Variants in SPAG16 observed in about 807,000 individuals in gnomAD.
The protein encoded by SPAG16 is sperm-associated antigen 16 protein.
Under a neutral mutation model 80.4 loss-of-function variants are expected in SPAG16, and 86 were observed. That is an observed-to-expected ratio of 1.07 (90% CI 0.90 to 1.28). SPAG16 has a LOEUF of 1.28. SPAG16 is among the 50% of genes most tolerant of loss of function. SPAG16 has a pLI of 0.00. For missense variants in SPAG16, 870 were observed against 765.3 expected, an observed-to-expected ratio of 1.14 and a Z score of -1.61; for synonymous variants, 294 against 265.9, an observed-to-expected ratio of 1.11 and a Z score of -1.03.
chr2:213,429,210 A>G (rs569886569), intron 9 of SPAG16, among the ~76,000 whole-genome samples: 1 of 152,228 alleles, frequency 6.6e-6, no homozygotes, highest in East Asian at 1.9e-4. Context: ...GCTCTGTCTC[A>G]GGAATAATTG....
chr2:213,503,162 T>C (rs1189918255), intron 10 of SPAG16, among the ~76,000 whole-genome samples: 1 of 152,206 alleles, frequency 6.6e-6, no homozygotes, highest in Admixed American at 6.5e-5. Flanking sequence ...TCTAATATTG[T>C]TTCACCTCCC....
chr2:214,062,001 A>ACG (rs1447338305), intron 13 of SPAG16, among the ~76,000 whole-genome samples: 1 of 148,140 alleles, frequency 6.8e-6, no homozygotes, highest in Non-Finnish European at 1.5e-5. Flanking sequence ...ACACACACAC[A>ACG]CACACACACA....
intron 9 of SPAG16, among the ~76,000 whole-genome samples, chr2:213,426,808 A>G (rs1388852756): frequency 7.4e-6 from 1 of 134,522 alleles, no homozygotes; most frequent in Non-Finnish European, 1.6e-5. Flanking sequence ...TAAAAGGATG[A>G]ACTTTTTCAA....
At chr2:214,218,808 G>C (rs992706610) in intron 15 of SPAG16, among the ~76,000 whole-genome samples, 1 of 152,150 alleles carries the variant, frequency 6.6e-6, no homozygotes, top group African/African-American at 2.4e-5. Context: ...GGTAAATGTG[G>C]CAAGTCACTG....
At chr2:214,100,195 T>G (rs976105488) in intron 13 of SPAG16, among the ~76,000 whole-genome samples, 1 of 152,026 alleles carries the variant, frequency 6.6e-6, no homozygotes, top group Admixed American at 6.6e-5. Flanking sequence ...CTGCTTCCCC[T>G]TCTGCCATGA....
At chr2:213,290,169 G>T (rs912245969) in intron 1 of SPAG16, among the ~76,000 whole-genome samples, 11 of 152,208 alleles carry the variant, frequency 7.2e-5, no homozygotes, top group African/African-American at 2.7e-4. Flanking sequence ...TGCAGGCTCT[G>T]CTAGTGCAGA....
chr2:213,508,806 T>C (rs574806655), intron 10 of SPAG16, among the ~76,000 whole-genome samples: 4 of 152,076 alleles, frequency 2.6e-5, no homozygotes, highest in East Asian at 3.9e-4. Flanking sequence ...TTTGGAGATA[T>C]ACCTAATGTT....
intron 8 of SPAG16, among the ~76,000 whole-genome samples, chr2:213,367,152 G>T (rs2066346945): frequency 6.6e-6 from 1 of 152,166 alleles, no homozygotes; most frequent in South Asian, 2.1e-4. Context: ...ATTCCATGGT[G>T]TATATGTCCC....
intron 8 of SPAG16, among the ~76,000 whole-genome samples, chr2:213,372,849 T>G (rs1446563913): frequency 6.6e-6 from 1 of 152,154 alleles, no homozygotes; most frequent in Non-Finnish European, 1.5e-5. Context: ...CAATAAATAT[T>G]TGTTAAATTA....
rs147281414 is a variant in SPAG16 at position 213,362,382 on chromosome 2, A to C, written c.763-1694A>C. Among the ~76,000 whole-genome samples the C allele has an allele frequency of 4.9e-3, 742 of 152,332 alleles. 4 individuals carry two copies. The highest frequency in any genetic ancestry group is 0.016 in the African/African-American group (655 of 41,588). On this transcript the variant is annotated intron_variant, in intron 7 of 15. Coordinates refer to ENST00000331683, the MANE Select transcript of SPAG16 (RefSeq NM_024532.5). ...TATGTTGATAATCCTTCCCTCAAGT[A>C]GGTGGAGCTTAACAACTCAGCTGTT...
intron 10 of SPAG16, among the ~76,000 whole-genome samples, chr2:213,773,687 G>A (rs1487520063): frequency 2.0e-5 from 3 of 152,080 alleles, no homozygotes; most frequent in African/African-American, 7.2e-5. Context: ...CTGAGTAGCT[G>A]GGATTACAGG....
chr2:214,206,041 A>C (rs1273297219), intron 15 of SPAG16, among the ~76,000 whole-genome samples: 1 of 151,996 alleles, frequency 6.6e-6, no homozygotes, highest in Non-Finnish European at 1.5e-5. Flanking sequence ...AAAAATACAA[A>C]AAAAAATAGC....
intron 13 of SPAG16, among the ~76,000 whole-genome samples, chr2:214,054,376 A>C (rs572561710): frequency 2.0e-5 from 3 of 152,166 alleles, no homozygotes; most frequent in African/African-American, 7.2e-5. Context: ...AGTAACAATT[A>C]AAATCTCAGA....
chr2:214,297,048 C>G (rs574768063), intron 15 of SPAG16, among the ~76,000 whole-genome samples: 6 of 152,244 alleles, frequency 3.9e-5, no homozygotes, highest in African/African-American at 1.4e-4. Context: ...TCATGTATAC[C>G]CAGCAGAACC....
chr2:213,976,135 T>TACAC (rs1553685174), intron 12 of SPAG16, among the ~76,000 whole-genome samples: 2,683 of 81,358 alleles, frequency 0.033, 53 homozygotes, highest in Middle Eastern at 0.056. Context: ...TATATATATA[T>TACAC]ACACACACAC....
intron 15 of SPAG16, among the ~76,000 whole-genome samples, chr2:214,178,049 T>C (rs1168660114): frequency 7.0e-6 from 1 of 143,072 alleles, no homozygotes; most frequent in African/African-American, 2.5e-5. Context: ...CAAGTAGATA[T>C]ATTTGTGTTT....
intron 10 of SPAG16, among the ~76,000 whole-genome samples, chr2:213,505,430 G>A (rs950909885): frequency 6.6e-6 from 1 of 151,538 alleles, no homozygotes; most frequent in Non-Finnish European, 1.5e-5. Context: ...TATGTTTTTT[G>A]GTATTCTATT....
intron 9 of SPAG16, among the ~76,000 whole-genome samples, chr2:213,476,980 G>A (rs1258039914): frequency 1.3e-5 from 2 of 152,134 alleles, no homozygotes; most frequent in Non-Finnish European, 2.9e-5. Context: ...GAAGCAAGAG[G>A]GGACCCAAAA....
intron 12 of SPAG16, among the ~76,000 whole-genome samples, chr2:213,954,178 A>G (rs1470543075): frequency 1.4e-5 from 2 of 146,184 alleles, no homozygotes; most frequent in Admixed American, 6.9e-5. Flanking sequence ...CACTGTTGCC[A>G]GGCTGTAGTG....
Sources: gnomAD v4.1 joint callset for allele counts (sites outside exome capture counted in the v4.1 genomes callset) on GRCh38, gnomAD v4.1.1 for gene constraint, MANE v1.5 for transcripts, NCBI Gene and HGNC (gene_info 2026-07-23, HGNC 2026-07-21) for gene names.